Variants in MGAT4C observed in about 807,000 individuals in gnomAD.
MGAT4C encodes MGAT4 family member C, also known as alpha-1,3-mannosyl-glycoprotein 4-beta-N-acetylglucosaminyltransferase C.
A neutral mutation model predicts 40.1 loss-of-function variants in MGAT4C; 19 were observed. The observed-to-expected ratio is 0.47, with a 90% CI of 0.33 to 0.70. The LOEUF (loss-of-function observed/expected upper bound fraction) is 0.70, where lower values mean the gene tolerates loss of function less well. Among genes scored for constraint, MGAT4C ranks in the 30% least tolerant of loss-of-function variants. MGAT4C has a pLI of 0.02. For synonymous variants in MGAT4C, 181 were observed against 187.1 expected, an observed-to-expected ratio of 0.97 and a Z score of 0.27; for missense variants, 491 against 563.2, an observed-to-expected ratio of 0.87 and a Z score of 1.30.
intron 1 of MGAT4C, among the ~76,000 whole-genome samples, chr12:86,168,554 T>C (rs1046074717): frequency 6.6e-6 from 1 of 152,090 alleles, no homozygotes; most frequent in Admixed American, 6.5e-5. Context: ...AGGAAGTATG[T>C]GAGACTGAAA....
At chr12:86,533,170 G>C (rs1592958870) in intron 2 of MGAT4C, among the ~76,000 whole-genome samples, 1 of 151,938 alleles carries the variant, frequency 6.6e-6, no homozygotes, top group African/African-American at 2.4e-5. Flanking sequence ...TTTTATAGTA[G>C]AATAAATGTT....
chr12:86,722,174 A>G (rs1029816644), intron 2 of MGAT4C, among the ~76,000 whole-genome samples: 1 of 152,150 alleles, frequency 6.6e-6, no homozygotes, highest in African/African-American at 2.4e-5. Context: ...AATGAGGATG[A>G]CAGCAGGAGG....
intron 3 of MGAT4C, among the ~76,000 whole-genome samples, chr12:86,410,207 C>T (rs1258967334): frequency 6.6e-6 from 1 of 152,102 alleles, no homozygotes; most frequent in Non-Finnish European, 1.5e-5. Context: ...GAGCAGAGAA[C>T]TGGTCTGAAT....
At chr12:86,789,962 C>G (rs540330856) in intron 1 of MGAT4C, among the ~76,000 whole-genome samples, 1 of 152,222 alleles carries the variant, frequency 6.6e-6, no homozygotes, top group Admixed American at 6.5e-5. Flanking sequence ...CAGAAATTAT[C>G]TGGCCCTAAA....
chr12:86,536,905 A>G (rs1959080086), intron 2 of MGAT4C, among the ~76,000 whole-genome samples: 1 of 152,260 alleles, frequency 6.6e-6, no homozygotes, highest in African/African-American at 2.4e-5. Context: ...GCTGCTATAA[A>G]GACACATGCA....
At chr12:86,522,474 T>C (rs1958812378) in intron 2 of MGAT4C, among the ~76,000 whole-genome samples, 1 of 152,176 alleles carries the variant, frequency 6.6e-6, no homozygotes, top group South Asian at 2.1e-4. Flanking sequence ...GTAGATAAGA[T>C]TTTTGATGTG....
intron 2 of MGAT4C, among the ~76,000 whole-genome samples, chr12:86,587,565 A>T (rs975475183): frequency 6.6e-6 from 1 of 151,978 alleles, no homozygotes; most frequent in Admixed American, 6.6e-5. Context: ...CACGATATTC[A>T]TTCTTCCTAC....
chr12:86,834,126 C>T, intron 1 of MGAT4C, among the ~76,000 whole-genome samples: 1 of 151,572 alleles, frequency 6.6e-6, no homozygotes, highest in Middle Eastern at 3.4e-3. Flanking sequence ...ATATATCTAT[C>T]TCTATCTGTC....
At chr12:86,143,126 T>C (rs1024599215) in intron 1 of MGAT4C, among the ~76,000 whole-genome samples, 3 of 152,136 alleles carry the variant, frequency 2.0e-5, no homozygotes, top group Non-Finnish European at 4.4e-5. Context: ...GAAAGAAATT[T>C]GTGTTGGTTA....
intron 4 of MGAT4C, among the ~76,000 whole-genome samples, chr12:86,308,617 T>C (rs17013896): frequency 0.052 from 7,821 of 150,538 alleles, 1,290 homozygotes; most frequent in African/African-American, 0.19. Flanking sequence ...ATGGTAATAA[T>C]TTCAGTAAAT....
At chr12:86,386,055 T>C (rs1956044510) in intron 3 of MGAT4C, among the ~76,000 whole-genome samples, 1 of 152,124 alleles carries the variant, frequency 6.6e-6, no homozygotes, top group African/African-American at 2.4e-5. Flanking sequence ...CTCATCCTCC[T>C]GAGTAGCTGG....
chr12:86,349,387 A>C (rs1035519347), intron 3 of MGAT4C, among the ~76,000 whole-genome samples: 2 of 152,100 alleles, frequency 1.3e-5, no homozygotes, highest in Non-Finnish European at 2.9e-5. Flanking sequence ...ACTGCTAGTA[A>C]ACGTTGTATT....
intron 1 of MGAT4C, among the ~76,000 whole-genome samples, chr12:86,236,382 GA>G (rs1026970178): frequency 6.6e-6 from 1 of 151,936 alleles, no homozygotes; most frequent in African/African-American, 2.4e-5. Flanking sequence ...TTTATTTTAG[GA>G]AAAAGAATTT....
intron 2 of MGAT4C, among the ~76,000 whole-genome samples, chr12:86,447,192 C>A (rs971227458): frequency 6.6e-6 from 1 of 152,130 alleles, no homozygotes; most frequent in African/African-American, 2.4e-5. Context: ...ATGGTGCAAT[C>A]TCGGCTCACC....
intron 2 of MGAT4C, among the ~76,000 whole-genome samples, chr12:86,658,998 G>A (rs1287845699): frequency 6.6e-6 from 1 of 152,072 alleles, no homozygotes; most frequent in Admixed American, 6.6e-5. Flanking sequence ...AAAGTGCCAT[G>A]TTTGACCTAT....
chr12:86,812,378 AGTT>A (rs1218694573), intron 1 of MGAT4C, among the ~76,000 whole-genome samples: 1 of 151,966 alleles, frequency 6.6e-6, no homozygotes, highest in Non-Finnish European at 1.5e-5. Flanking sequence ...TAATTCTCTC[AGTT>A]GTTAAGTGGG....
chr12:86,823,671 A>T (rs190668929), intron 1 of MGAT4C, among the ~76,000 whole-genome samples: 312 of 151,572 alleles, frequency 2.1e-3, no homozygotes, highest in African/African-American at 7.3e-3. Context: ...AAAGAGAGTT[A>T]AAAGGGATTA....
chr12:86,352,143 C>T (rs977432361), intron 3 of MGAT4C, among the ~76,000 whole-genome samples: 2 of 152,028 alleles, frequency 1.3e-5, no homozygotes, highest in South Asian at 2.1e-4. Context: ...TAAGATTTTA[C>T]TTGTACTGTC....
Position 85,973,740 on chromosome 12 carries a change from G to A in MGAT4C, c.*5549C>T, listed in dbSNP as rs1883753581. 1 of 150,502 alleles carries A rather than the reference G, an allele frequency of 6.6e-6. No homozygotes were observed. Among genetic ancestry groups the A allele is most frequent in the Non-Finnish European group, 1.5e-5 (1 of 66,978 alleles). The allele number at this position is 150,502 out of a possible 1,614,324, so 9.3% of individuals were successfully genotyped here. On this transcript the variant is annotated 3_prime_UTR_variant, in exon 5 of 5. Transcript: ENST00000611864. ...TCTCACATAATCAATTTAACTTTTT[G>A]GTAAATCTTCTAAGAGACCGTCTAG...
Sources: allele counts gnomAD v4.1 joint callset (sites outside exome capture counted in the v4.1 genomes callset), GRCh38; gene constraint gnomAD v4.1.1; transcripts MANE v1.5; gene names NCBI Gene and HGNC (gene_info 2026-07-23, HGNC 2026-07-21).